The following BFAR variants were observed in gnomAD, a reference collection of about 807,000 sequenced individuals.
The protein encoded by BFAR is bifunctional apoptosis regulator, also known as RING finger protein 47.
A neutral mutation model predicts 54.4 loss-of-function variants in BFAR; 52 were observed. That is an observed-to-expected ratio of 0.96 (90% CI 0.77 to 1.21). The LOEUF is 1.21. BFAR is among the 50% of genes most tolerant of loss of function. The probability of loss-of-function intolerance (pLI) is 0.00; values close to 1 mark genes in which losing one functional copy is unlikely to be tolerated. For missense variants in BFAR, 571 were observed against 534.0 expected (o/e 1.07, Z -0.68); for synonymous variants, 215 against 204.3 (o/e 1.05, Z -0.45).
intron 2 of BFAR, among the ~76,000 whole-genome samples, chr16:14,645,007 C>A (rs531529657): frequency 6.6e-6 from 1 of 152,050 alleles, no homozygotes; most frequent in Non-Finnish European, 1.5e-5. Context: ...GTTAGCAGAC[C>A]GTTGCTGGTA....
intron 5 of BFAR, among the ~76,000 whole-genome samples, chr16:14,656,527 G>T (rs528990950): frequency 4.6e-5 from 7 of 151,116 alleles, no homozygotes; most frequent in African/African-American, 1.7e-4. Context: ...TAGCCTGCCT[G>T]GGCCAGCTCC....
rs144560115 is a variant in BFAR, at chr16:14,662,916, A to G, written c.957+851A>G. On this transcript the variant is annotated intron_variant, in intron 6 of 7. Coordinates refer to ENST00000261658, the MANE Select transcript of BFAR (RefSeq NM_016561.3). ...TCCCTTTTAAGGGCTCACAACTCTA[A>G]GGGAGTCCACATGAGAGGGTCGTGA... Among the ~76,000 whole-genome samples the G allele has an allele frequency of 1.0e-3, 154 of 152,240 alleles. 1 individual carries two copies. The highest frequency in any genetic ancestry group is 3.4e-3 in the African/African-American group (141 of 41,562).
intron 1 of BFAR, among the ~76,000 whole-genome samples, chr16:14,635,509 A>G (rs898581300): frequency 4.6e-5 from 7 of 152,140 alleles, no homozygotes. Flanking sequence ...GTCCTTGCAT[A>G]TATGCCACGA....
rs919075769 is a variant in BFAR at position 14,668,786 on chromosome 16, A to C, written c.*959A>C. On this transcript the variant is annotated 3_prime_UTR_variant, in exon 8 of 8. Transcript: ENST00000261658. Reference sequence around the variant, plus strand: ...CAGGAGGCGGAGGTTGCAGGGAGGGAGACTGCACCACTGCACTTCAGCCTG... The same window carrying C: ...CAGGAGGCGGAGGTTGCAGGGAGGGCGACTGCACCACTGCACTTCAGCCTG... 6.1e-6 allele frequency: 1 copy of C among 162,876 alleles called. No individual in the cohort carries two copies. The highest frequency in any genetic ancestry group is 2.4e-5 in the African/African-American group (1 of 41,450). The allele number at this position is 162,876 out of a possible 1,614,324, so 10.1% of individuals were successfully genotyped here. A position where few individuals can be genotyped will look rare whatever the true frequency, so the allele number is the denominator to read the frequency against.
At chr16:14,641,631 G>A (rs1596967956) in intron 1 of BFAR, among the ~76,000 whole-genome samples, 1 of 151,690 alleles carries the variant, frequency 6.6e-6, no homozygotes, top group South Asian at 2.1e-4. Context: ...GGAGGCTGAC[G>A]CAGGCAGATT....
At chr16:14,655,976 G>A (rs1053406445) in intron 5 of BFAR, among the ~76,000 whole-genome samples, 3 of 152,122 alleles carry the variant, frequency 2.0e-5, no homozygotes, top group African/African-American at 4.8e-5. Flanking sequence ...TTGGGAGGCC[G>A]AGGCGGGGGG....
intron 1 of BFAR, among the ~76,000 whole-genome samples, chr16:14,640,568 C>G (rs540670914): frequency 6.6e-6 from 1 of 152,014 alleles, no homozygotes; most frequent in Non-Finnish European, 1.5e-5. Flanking sequence ...AGAAAAAACA[C>G]CAGGTGAAGG....
rs150134621 is a variant in BFAR at position 14,655,309 on chromosome 16, T to G, written c.783+99T>G. On this transcript the variant is annotated intron_variant, in intron 5 of 7. Coordinates refer to ENST00000261658, the MANE Select transcript of BFAR (RefSeq NM_016561.3). ...GTTTTCTTTTTTATTTTTGACAGTT[T>G]ATGTACTTATTTATTTATTTATTTT... 8.6e-4 allele frequency: 836 copies of G among 967,392 alleles called. 8 individuals are homozygous for G. The African/African-American group carries it at 0.013, about 15-fold the overall frequency. The allele number at this position is 967,392 out of a possible 1,614,324, so 59.9% of individuals were successfully genotyped here.
intron 4 of BFAR, 36 bp from the exon 5 acceptor site, chr16:14,655,030 T>G (rs1960082612): frequency 6.4e-7 from 1 of 1,572,342 alleles, no homozygotes. Context: ...TTCCAGTATA[T>G]AATCGCAAAA....
Position 14,644,321 on chromosome 16 carries a change from C to A in BFAR, c.-26C>A. On this transcript the variant is annotated 5_prime_UTR_variant, in exon 2 of 8. Transcript: ENST00000261658. ...TTTCTACGTCTGAAATTTTTTATGT[C>A]TCTGGAACCCAGAATTTGCTAAGAG... 1 of 1,600,442 alleles carries A rather than the reference C, an allele frequency of 6.2e-7. No homozygotes were observed. The highest frequency in any genetic ancestry group is 2.3e-5 in the East Asian group (1 of 44,416).
intron 5 of BFAR, among the ~76,000 whole-genome samples, chr16:14,656,507 G>T (rs1238442291): frequency 1.3e-5 from 2 of 149,544 alleles, no homozygotes; most frequent in African/African-American, 4.9e-5. Flanking sequence ...AAAAAAAAAG[G>T]CCCTGGCACT....
intron 2 of BFAR, among the ~76,000 whole-genome samples, chr16:14,646,926 G>A (rs558365777): frequency 6.6e-6 from 1 of 151,978 alleles, no homozygotes; most frequent in South Asian, 2.1e-4. Flanking sequence ...CTTTTGTTCA[G>A]ATTTTTTTAA....
At position 14,668,073 on chromosome 16, in the gene BFAR, C is replaced by T; in HGVS notation, c.*246C>T. 1.9e-6 allele frequency: 1 copy of T among 521,440 alleles called. No homozygotes were observed. The highest frequency in any genetic ancestry group is 3.4e-6 in the Non-Finnish European group (1 of 293,868). The allele number at this position is 521,440 out of a possible 1,614,324, so 32.3% of individuals were successfully genotyped here. On this transcript the variant is annotated 3_prime_UTR_variant, in exon 8 of 8. Coordinates refer to ENST00000261658, the MANE Select transcript of BFAR (RefSeq NM_016561.3). ...CACAGCAGCAGCCCTTCCCACCCAG[C>T]CACCTTCCTCACAGGGACTAGGAGG...
At position 14,655,126 on chromosome 16, in the gene BFAR, C is replaced by T. The variant is rs745366107; in HGVS notation, c.699C>T (p.Ser233=). 14 of 1,612,070 alleles carry T rather than the reference C, an allele frequency of 8.7e-6. No individual in the cohort carries two copies. The highest frequency in any genetic ancestry group is 1.1e-5 in the Non-Finnish European group (13 of 1,179,080). ...AGACGCCCTATACCATAGAAAACAG[C>T]AGCCACAGGAGAGCCATCCTCATGG... The part of the protein sequence containing the change: ...FSKTPYTIEN[S]SHRRAILMEL... Residue 233 remains serine (S), a synonymous_variant, in exon 5 of 8, where the codon AGC becomes AGT. Transcript: ENST00000261658.
In BFAR at chr16:14,655,199, T is replaced by A; in HGVS notation, c.772T>A (p.Trp258Arg). The change falls in exon 5 of 8, where the codon TGG becomes AGG. Residue 258 changes from tryptophan (W) to arginine (R), a missense_variant. Trp to Arg is a moderately radical substitution (Grantham distance 101). Coordinates refer to ENST00000261658, the MANE Select transcript of BFAR (RefSeq NM_016561.3). ...ALGVKPPQNL[W>R]EYKAVNPGRS... ...AGGCGTGAAGCCCCCCCAGAATCTC[T>A]GGGAATATAAGGTGAACACTTTAAT... is the stretch of plus-strand genomic sequence containing the variant. 1 of 1,521,074 alleles carries A rather than the reference T, an allele frequency of 6.6e-7. No homozygotes were observed. The highest frequency in any genetic ancestry group is 8.8e-7 in the Non-Finnish European group (1 of 1,137,312). 94.2% of individuals were successfully genotyped at this position (1,521,074 alleles called of 1,614,324 possible).
At chr16:14,646,419 C>T (rs942213918) in intron 2 of BFAR, among the ~76,000 whole-genome samples, 3 of 152,238 alleles carry the variant, frequency 2.0e-5, no homozygotes, top group African/African-American at 4.8e-5. Flanking sequence ...AACTCCTGAC[C>T]TTTAGTGATC....
chr16:14,652,219 A>G (rs1959989642), intron 4 of BFAR, among the ~76,000 whole-genome samples: 1 of 151,882 alleles, frequency 6.6e-6, no homozygotes, highest in African/African-American at 2.4e-5. Context: ...AATAAGGGAT[A>G]CAGCAGCTAT....
At chr16:14,648,648 GATTTCC>G in intron 3 of BFAR, 56 bp downstream of exon 3, 1 of 1,327,990 alleles carries the variant, frequency 7.5e-7, no homozygotes, top group Non-Finnish European at 1.1e-6. Context: ...CCCGACCCCT[GATTTCC>G]ACTGAAGTCA....
At chr16:14,655,941 G>T (rs569015683) in intron 5 of BFAR, among the ~76,000 whole-genome samples, 1 of 152,196 alleles carries the variant, frequency 6.6e-6, no homozygotes, top group Admixed American at 6.6e-5. Flanking sequence ...TGGTCACCGT[G>T]GCTCACAACT....
Sources: allele counts gnomAD v4.1 joint callset (sites outside exome capture counted in the v4.1 genomes callset), GRCh38; gene constraint gnomAD v4.1.1; transcripts MANE v1.5; gene names NCBI Gene and HGNC (gene_info 2026-07-23, HGNC 2026-07-21).